GRIN2D: variants seen among roughly 807,000 people sequenced by gnomAD.
The protein encoded by GRIN2D is glutamate receptor ionotropic, NMDA 2D.
In GRIN2D, 37 loss-of-function variants were observed where a neutral mutation model predicts 103.2. The ratio of observed to expected loss-of-function variants is 0.36; its 90% confidence interval spans 0.28 to 0.47. The LOEUF (loss-of-function observed/expected upper bound fraction) is 0.47, where lower values mean the gene tolerates loss of function less well. Among genes scored for constraint, GRIN2D ranks in the 20% least tolerant of loss-of-function variants. The pLI, the probability that GRIN2D is intolerant of heterozygous loss-of-function variation, is 1.00. For synonymous variants in GRIN2D, 845 were observed against 885.6 expected, an observed-to-expected ratio of 0.95 and a Z score of 0.81; for missense variants, 1,557 against 1,910.6, an observed-to-expected ratio of 0.81 and a Z score of 3.45.
At chr19:48,432,199 C>T (rs529193856) in intron 11 of GRIN2D, among the ~76,000 whole-genome samples, 6 of 151,610 alleles carry the variant, frequency 4.0e-5, no homozygotes, top group South Asian at 4.2e-4. Context: ...CGTGAGCCAC[C>T]GCACCCGGCC....
Position 48,443,166 on chromosome 19 carries a change from G to T in GRIN2D, c.3240G>T (p.Gly1080=). The T allele has an allele frequency of 9.8e-7, 1 of 1,018,604 alleles. No individual in the cohort carries two copies. The highest frequency in any genetic ancestry group is 1.2e-6 in the Non-Finnish European group (1 of 849,668). 63.1% of individuals were successfully genotyped at this position (1,018,604 alleles called of 1,614,324 possible). ...PLLGPGAGGA[G]GTGGAGGGAP... is the part of the protein sequence containing the mutation. ...TGGGGCCAGGCGCGGGCGGCGCGGGGGGCACGGGGGGCGCAGGCGGAGGAG... is the reference window on the plus strand; with the variant it reads ...TGGGGCCAGGCGCGGGCGGCGCGGGTGGCACGGGGGGCGCAGGCGGAGGAG... Residue 1080 remains glycine (G), a synonymous_variant, in exon 14 of 14, where the codon GGG becomes GGT. Transcript: ENST00000263269. The surrounding 1 kb of genome is among the most constrained non-coding windows in gnomAD (Gnocchi z 8.9).
intron 3 of GRIN2D, among the ~76,000 whole-genome samples, chr19:48,402,765 C>CGAGAGA (rs35263933): frequency 0.041 from 4,467 of 108,878 alleles, 148 homozygotes; most frequent in East Asian, 0.084. Context: ...TACTCCTTTA[C>CGAGAGA]GAGAGAGAGA....
chr19:48,397,491 C>T (rs995977345), intron 2 of GRIN2D, among the ~76,000 whole-genome samples: 2 of 152,016 alleles, frequency 1.3e-5, no homozygotes, highest in African/African-American at 4.8e-5. Context: ...GCCTGCCTCC[C>T]TCAATCTCAA....
intron 2 of GRIN2D, among the ~76,000 whole-genome samples, 165 bp downstream of exon 2, chr19:48,395,101 CCT>C (rs141886120): frequency 0.028 from 4,223 of 151,720 alleles, 75 homozygotes; most frequent in South Asian, 0.052. Flanking sequence ...TCTCCTCCAC[CCT>C]CTCTCTCTCC....
rs1419778153 is a variant in GRIN2D at position 48,394,716 on chromosome 19, A to G, written c.-247A>G. ...AGGTGGCCGCAACCTTGGGGGAGAGACAGGGCAGGACAGGACCAAGGAAGA... is the reference window on the plus strand; with the variant it reads ...AGGTGGCCGCAACCTTGGGGGAGAGGCAGGGCAGGACAGGACCAAGGAAGA... On this transcript the variant is annotated 5_prime_UTR_variant, in exon 2 of 14. Transcript: ENST00000263269. The surrounding 1 kb of genome is among the most constrained non-coding windows in gnomAD (Gnocchi z 5.1). Among the ~76,000 whole-genome samples, 1 of 152,172 alleles carries G rather than the reference A, an allele frequency of 6.6e-6. No individual in the cohort carries two copies. Among genetic ancestry groups the G allele is most frequent in the Non-Finnish European group, 1.5e-5 (1 of 68,020 alleles).
chr19:48,423,902 C>T (rs533669467), intron 11 of GRIN2D, among the ~76,000 whole-genome samples: 4 of 152,174 alleles, frequency 2.6e-5, no homozygotes, highest in South Asian at 2.1e-4. Flanking sequence ...CTGCAACCTC[C>T]GCCTTCCCTG....
At chr19:48,429,715 A>ATGTGTGTGTGTGTG (rs35154284) in intron 11 of GRIN2D, among the ~76,000 whole-genome samples, 11 of 146,996 alleles carry the variant, frequency 7.5e-5, no homozygotes, top group African/African-American at 2.5e-4. Context: ...TAATTTTTTA[A>ATGTGTGTGTGTGTG]TGTGTGTGTG....
intron 10 of GRIN2D, among the ~76,000 whole-genome samples, chr19:48,420,675 A>G (rs1971011870): frequency 6.6e-6 from 1 of 151,382 alleles, no homozygotes; most frequent in African/African-American, 2.4e-5. Context: ...AAAATACAAA[A>G]ATTAGCCAGG....
At chr19:48,400,798 G>A (rs1052867873) in intron 3 of GRIN2D, among the ~76,000 whole-genome samples, 5 of 152,156 alleles carry the variant, frequency 3.3e-5, no homozygotes, top group Non-Finnish European at 7.3e-5. Context: ...AGGTGCACTG[G>A]CTCACACCTG....
Position 48,442,292 on chromosome 19 carries a change from G to A in GRIN2D, c.2583G>A (p.Leu861=). 1 of 1,614,142 alleles carries A rather than the reference G, an allele frequency of 6.2e-7. No homozygotes were observed. Residue 861 remains leucine, a synonymous_variant, in exon 13 of 14, where the codon CTG becomes CTA. Coordinates refer to ENST00000263269, the MANE Select transcript of GRIN2D (RefSeq NM_000836.4). This position sits in a 1 kb window ranked among gnomAD's most constrained non-coding sequence, Gnocchi z 7.2. ...TGGTGGCCATGGGCCTGTCCCTGCT[G>A]GTCTTCGCCTGGGAGCACCTGGTGT... The part of the protein sequence containing the change: ...MLLVAMGLSL[L]VFAWEHLVYW...
rs1184319014 is a variant in GRIN2D at position 48,405,389 on chromosome 19, C to G, written c.1085+36C>G. The G allele has an allele frequency of 6.6e-7, 1 of 1,511,288 alleles. No homozygotes were observed. Among genetic ancestry groups the G allele is most frequent in the South Asian group, 1.3e-5 (1 of 77,158 alleles). The allele number at this position is 1,511,288 out of a possible 1,614,324, so 93.6% of individuals were successfully genotyped here. The stretch of plus-strand genomic sequence containing the variant: ...CTGGAATGGGAGGGGTGTGGGAGGG[C>G]TCCCAGAGCCTAACTACCTCAGTAT... On this transcript the variant is annotated intron_variant, in intron 4 of 13. Transcript: ENST00000263269. The surrounding 1 kb of genome is among the most constrained non-coding windows in gnomAD (Gnocchi z 5.1).
At chr19:48,426,640 A>C (rs758917749) in intron 11 of GRIN2D, among the ~76,000 whole-genome samples, 3 of 151,306 alleles carry the variant, frequency 2.0e-5, no homozygotes, top group Non-Finnish European at 4.4e-5. Flanking sequence ...ACTGGAGTCC[A>C]GTGGTGCAAT....
In GRIN2D at chr19:48,405,169, C is replaced by T. The variant is rs1045477025; in HGVS notation, c.901C>T (p.Pro301Ser). The T allele has an allele frequency of 6.3e-7, 1 of 1,588,838 alleles. No individual in the cohort carries two copies. The highest frequency in any genetic ancestry group is 1.1e-5 in the South Asian group (1 of 88,460). Residue 301 changes from proline (P) to serine (S), a missense_variant, in exon 4 of 14, where the codon CCT (proline) becomes TCT (serine). By Grantham distance (74) the Pro-to-Ser change is moderately conservative. Around this residue, in one of 7 missense-constraint regions of GRIN2D, gnomAD observed 490 missense variants for 601.1 expected, o/e 0.82. Coordinates refer to ENST00000263269, the MANE Select transcript of GRIN2D (RefSeq NM_000836.4). The surrounding 1 kb of genome is among the most constrained non-coding windows in gnomAD (Gnocchi z 5.1). ...PPLLPGGAPL[P>S]AGLFAVRSAG... ...TCTTCTGCCAGGAGGCGCCCCCCTG[C>T]CTGCCGGGCTGTTTGCAGTGCGCTC...
At chr19:48,398,310 T>A in intron 2 of GRIN2D, 57 bp from the exon 3 acceptor site, 1 of 665,936 alleles carries the variant, frequency 1.5e-6, no homozygotes, top group Non-Finnish European at 1.9e-6. Flanking sequence ...TCCCTGTCCC[T>A]GCGTCTCCCG....
intron 11 of GRIN2D, among the ~76,000 whole-genome samples, chr19:48,427,936 G>T (rs1971107057): frequency 2.0e-5 from 3 of 151,978 alleles, no homozygotes; most frequent in Admixed American, 2.0e-4. Context: ...CCTTCAGAGG[G>T]CTGTGAGGGA....
chr19:48,401,096 AAC>A (rs1491511485), intron 3 of GRIN2D, among the ~76,000 whole-genome samples: 4 of 151,740 alleles, frequency 2.6e-5, no homozygotes, highest in Admixed American at 6.6e-5. Flanking sequence ...AAAAAAAAAA[AAC>A]AATAAACAAA....
At position 48,404,765 on chromosome 19, in the gene GRIN2D, C is replaced by T. The variant is rs939536813; in HGVS notation, c.497C>T (p.Ser166Phe). ...GGCTCCACCTTCCTGCAGCTGGGCT[C>T]TTCCACCGAGCAACAGCTTCAGGTC... ...EKGSTFLQLG[S>F]STEQQLQVIF... Residue 166 changes from serine to phenylalanine, a missense_variant, in exon 4 of 14, where the codon TCT (serine) becomes TTT (phenylalanine). Physicochemically the swap from Ser to Phe is radical, Grantham distance 155. Coordinates refer to ENST00000263269, the MANE Select transcript of GRIN2D (RefSeq NM_000836.4). The T allele has an allele frequency of 2.5e-6, 4 of 1,611,432 alleles. No individual in the cohort carries two copies. The highest frequency in any genetic ancestry group is 2.7e-5 in the African/African-American group (2 of 74,902).
At position 48,415,037 on chromosome 19, in the gene GRIN2D, G is replaced by C. The variant is rs1258193242; in HGVS notation, c.1581+5G>C. The C allele has an allele frequency of 6.4e-7, 1 of 1,571,236 alleles. No individual in the cohort carries two copies. The highest frequency in any genetic ancestry group is 1.2e-5 in the South Asian group (1 of 86,050). ...TGGAACGGCATGATCGGGGAGGTGA[G>C]GGGGCGGACGGGAGGCGGGGAATCT... is the stretch of plus-strand genomic sequence containing the variant. On this transcript the variant is annotated splice_donor_5th_base_variant and intron_variant, in intron 7 of 13. Coordinates refer to ENST00000263269, the MANE Select transcript of GRIN2D (RefSeq NM_000836.4).
At position 48,414,236 on chromosome 19, in the gene GRIN2D, C is replaced by T; in HGVS notation, c.1200+131C>T. ...AGCCTGGACTCCTGGGTCCTGGGAT[C>T]TGAAGGTGGGAGGGGCTCCTGGGTC... is the stretch of plus-strand genomic sequence containing the variant. On this transcript the variant is annotated intron_variant, in intron 5 of 13. Coordinates refer to ENST00000263269, the MANE Select transcript of GRIN2D (RefSeq NM_000836.4). This position sits in a 1 kb window ranked among gnomAD's most constrained non-coding sequence, Gnocchi z 4.6. 1 of 899,124 alleles carries T rather than the reference C, an allele frequency of 1.1e-6. No homozygotes were observed. The highest frequency in any genetic ancestry group is 2.1e-5 in the Admixed American group (1 of 47,916). The allele number at this position is 899,124 out of a possible 1,614,324, so 55.7% of individuals were successfully genotyped here.
Sources: allele counts gnomAD v4.1 joint callset (sites outside exome capture counted in the v4.1 genomes callset), GRCh38; gene constraint gnomAD v4.1.1; regional missense constraint gnomAD v4.1.1; non-coding constraint Gnocchi (gnomAD v3.1); transcripts MANE v1.5; gene names NCBI Gene and HGNC (gene_info 2026-07-23, HGNC 2026-07-21).